The following CNTNAP2 variants were observed in gnomAD, a reference collection of about 807,000 sequenced individuals.
CNTNAP2 encodes the protein contactin-associated protein-like 2.
Under a neutral mutation model 155.2 loss-of-function variants are expected in CNTNAP2, and 98 were observed. The ratio of observed to expected loss-of-function variants is 0.63; its 90% confidence interval spans 0.54 to 0.75. The LOEUF is 0.75. Among genes scored for constraint, CNTNAP2 ranks in the 30% least tolerant of loss-of-function variants. The pLI, the probability that CNTNAP2 is intolerant of heterozygous loss-of-function variation, is 0.00. For missense variants in CNTNAP2, 1,727 were observed against 1,688.1 expected (o/e 1.02, Z -0.40); for synonymous variants, 651 against 631.2 (o/e 1.03, Z -0.47).
intron 1 of CNTNAP2, among the ~76,000 whole-genome samples, chr7:146,510,515 T>C (rs1396027670): frequency 6.6e-6 from 1 of 152,226 alleles, no homozygotes. Context: ...TTTCTATTTC[T>C]GTGAAGAATG....
intron 15 of CNTNAP2, among the ~76,000 whole-genome samples, chr7:147,984,685 G>C (rs1010514138): frequency 2.0e-5 from 3 of 147,798 alleles, no homozygotes; most frequent in Non-Finnish European, 4.5e-5. Context: ...AGAAGAAAAG[G>C]CATGCAAATT....
At chr7:147,798,072 A>T (rs994479200) in intron 13 of CNTNAP2, among the ~76,000 whole-genome samples, 26 of 152,222 alleles carry the variant, frequency 1.7e-4, no homozygotes, top group Non-Finnish European at 4.4e-5. Flanking sequence ...TTAGTAGGGC[A>T]TATAGATAAT....
Position 146,519,221 on chromosome 7 carries a change from G to T in CNTNAP2, c.98-255050G>T, listed in dbSNP as rs572649214. On this transcript the variant is annotated intron_variant, in intron 1 of 23. Transcript: ENST00000361727. The stretch of plus-strand genomic sequence containing the variant: ...TGAATTCTAAATGTCTAGATCTATC[G>T]AGAAGTGTTTAGGGAAATTTGTATC... Among the ~76,000 whole-genome samples the T allele has an allele frequency of 4.6e-5, 7 of 151,816 alleles. No homozygotes were observed. In the South Asian group the frequency reaches 1.5e-3, roughly 31 times the overall value.
intron 1 of CNTNAP2, among the ~76,000 whole-genome samples, chr7:146,750,946 C>T (rs1801892814): frequency 6.6e-6 from 1 of 152,070 alleles, no homozygotes; most frequent in African/African-American, 2.4e-5. Context: ...CGATATGATT[C>T]ACTACTTTTA....
intron 12 of CNTNAP2, among the ~76,000 whole-genome samples, chr7:147,595,631 G>A (rs186023037): frequency 5.7e-4 from 87 of 152,246 alleles, no homozygotes; most frequent in African/African-American, 1.9e-3. Context: ...ACTTACGGCC[G>A]TATCTCAGTT....
At position 148,237,663 on chromosome 7, in the gene CNTNAP2, T is replaced by C. The variant is rs1458458426; in HGVS notation, c.3381+7884T>C. ...AATGGTCTGAAGTCATTTATGAATATTGAATGCTGTAAAGTCAGTAGTCTG... is the reference window on the plus strand; with the variant it reads ...AATGGTCTGAAGTCATTTATGAATACTGAATGCTGTAAAGTCAGTAGTCTG... On this transcript the variant is annotated intron_variant, in intron 20 of 23. Coordinates refer to ENST00000361727, the MANE Select transcript of CNTNAP2 (RefSeq NM_014141.6). Among the ~76,000 whole-genome samples the C allele has an allele frequency of 4.6e-5, 7 of 152,326 alleles. 1 individual carries two copies. In the East Asian group the frequency reaches 7.7e-4, roughly 17 times the overall value.
At chr7:148,350,702 G>T (rs17170966) in intron 21 of CNTNAP2, among the ~76,000 whole-genome samples, 41,218 of 152,090 alleles carry the variant, frequency 0.27, 6,153 homozygotes, top group African/African-American at 0.39. Flanking sequence ...TCTTGTAAGC[G>T]TTCTTGTTGC....
chr7:146,504,030 G>T (rs532749406), intron 1 of CNTNAP2, among the ~76,000 whole-genome samples: 4 of 152,310 alleles, frequency 2.6e-5, no homozygotes, highest in South Asian at 2.1e-4. Flanking sequence ...ACATTAAATG[G>T]CTACAAATGT....
intron 10 of CNTNAP2, among the ~76,000 whole-genome samples, chr7:147,454,176 TCTTA>T (rs1433825320): frequency 6.6e-6 from 1 of 152,220 alleles, no homozygotes; most frequent in Non-Finnish European, 1.5e-5. Flanking sequence ...CTCTGTTTAA[TCTTA>T]CTTTAGTTTA....
At chr7:147,129,350 G>A (rs992852175) in intron 7 of CNTNAP2, among the ~76,000 whole-genome samples, 6 of 152,148 alleles carry the variant, frequency 3.9e-5, no homozygotes, top group African/African-American at 1.4e-4. Flanking sequence ...AATAAAGCTT[G>A]ATTTCCACTG....
chr7:146,982,198 T>C (rs1165274634), intron 3 of CNTNAP2, among the ~76,000 whole-genome samples: 1 of 152,156 alleles, frequency 6.6e-6, no homozygotes, highest in Non-Finnish European at 1.5e-5. Flanking sequence ...AAATACAATT[T>C]AAAGCTAATT....
chr7:148,331,762 ATTGG>A (rs1798027437), intron 21 of CNTNAP2, among the ~76,000 whole-genome samples: 4 of 141,160 alleles, frequency 2.8e-5, no homozygotes, highest in South Asian at 2.2e-4. Context: ...GGACGGATGG[ATTGG>A]ATGGATGGAA....
At chr7:148,196,056 T>A (rs1171637035) in intron 18 of CNTNAP2, among the ~76,000 whole-genome samples, 1 of 152,206 alleles carries the variant, frequency 6.6e-6, no homozygotes, top group African/African-American at 2.4e-5. Flanking sequence ...TTGTACCGGG[T>A]TGCTATTCGC....
intron 14 of CNTNAP2, among the ~76,000 whole-genome samples, chr7:147,953,748 T>A (rs994590280): frequency 6.6e-6 from 1 of 152,158 alleles, no homozygotes; most frequent in African/African-American, 2.4e-5. Context: ...ATCTCTCTCG[T>A]AGCTTCTGGT....
intron 22 of CNTNAP2, among the ~76,000 whole-genome samples, chr7:148,387,539 A>AG (rs1799239936): frequency 1.3e-5 from 2 of 152,150 alleles, no homozygotes; most frequent in African/African-American, 4.8e-5. Context: ...TTGGAAGTTT[A>AG]TTCCTCAACA....
intron 1 of CNTNAP2, among the ~76,000 whole-genome samples, chr7:146,173,008 G>T (rs557962982): frequency 2.6e-4 from 39 of 151,792 alleles, no homozygotes; most frequent in African/African-American, 9.4e-4. Flanking sequence ...GTTTTGTTTC[G>T]TTTTAATCCC....
chr7:148,302,694 C>G (rs1030086055), intron 21 of CNTNAP2, among the ~76,000 whole-genome samples: 1 of 152,084 alleles, frequency 6.6e-6, no homozygotes, highest in Admixed American at 6.6e-5. Flanking sequence ...GCTTTCGCTT[C>G]TCTCGCCTGC....
chr7:146,853,866 T>C (rs947829609), intron 3 of CNTNAP2, among the ~76,000 whole-genome samples: 1 of 152,188 alleles, frequency 6.6e-6, no homozygotes, highest in African/African-American at 2.4e-5. Flanking sequence ...CATTGGAATA[T>C]GCAGCTATAA....
chr7:146,323,004 A>T (rs992047157), intron 1 of CNTNAP2, among the ~76,000 whole-genome samples: 10 of 152,102 alleles, frequency 6.6e-5, no homozygotes, highest in Non-Finnish European at 1.2e-4. Context: ...ATTTAGAGCC[A>T]AAAGAGCCTT....
Sources: gnomAD v4.1 joint callset for allele counts (sites outside exome capture counted in the v4.1 genomes callset) on GRCh38, gnomAD v4.1.1 for gene constraint, MANE v1.5 for transcripts, NCBI Gene and HGNC (gene_info 2026-07-23, HGNC 2026-07-21) for gene names.